Variants in EPB41L1 observed in about 807,000 individuals in gnomAD.
EPB41L1 encodes erythrocyte membrane protein band 4.1 like 1.
EPB41L1 carries 29 observed loss-of-function variants against 97.8 expected under a neutral mutation model. The observed-to-expected ratio is 0.30, with a 90% CI of 0.22 to 0.40. The LOEUF (loss-of-function observed/expected upper bound fraction) is 0.40, where lower values mean the gene tolerates loss of function less well. Ranked by LOEUF, EPB41L1 falls within the 10% of genes least tolerant of loss-of-function variation. The pLI, the probability that EPB41L1 is intolerant of heterozygous loss-of-function variation, is 1.00. For missense variants in EPB41L1, 812 were observed against 1,162.3 expected, an observed-to-expected ratio of 0.70 and a Z score of 4.38; for synonymous variants, 383 against 459.2, an observed-to-expected ratio of 0.83 and a Z score of 2.12.
intron 5 of EPB41L1, among the ~76,000 whole-genome samples, chr20:36,179,860 A>G (rs1052110486): frequency 2.6e-5 from 4 of 151,906 alleles, no homozygotes; most frequent in African/African-American, 9.7e-5. Context: ...GACAGAGTGC[A>G]CTCCTCGGGG....
intron 2 of EPB41L1, among the ~76,000 whole-genome samples, chr20:36,146,967 C>G (rs1032524855): frequency 6.6e-6 from 1 of 151,660 alleles, no homozygotes; most frequent in African/African-American, 2.4e-5. Flanking sequence ...GGCAACATGG[C>G]AAAACCCTAT....
intron 17 of EPB41L1, among the ~76,000 whole-genome samples, chr20:36,215,748 A>G (rs1011221189): frequency 9.2e-5 from 14 of 152,196 alleles, no homozygotes; most frequent in African/African-American, 3.1e-4. Context: ...AAAAACATTT[A>G]TTAGTCTGTA....
intron 2 of EPB41L1, among the ~76,000 whole-genome samples, chr20:36,130,517 C>T (rs1193759053): frequency 6.6e-6 from 1 of 151,886 alleles, no homozygotes; most frequent in African/African-American, 2.4e-5. Context: ...CCTTTTCCTG[C>T]TCATGGATAT....
In EPB41L1 at chr20:36,113,408, T is replaced by TTGTGTG. The variant is rs3057822; in HGVS notation, c.-10+970_-10+975dup. Reference sequence around the variant, plus strand: ...TTGTACCCCTAGGGAAACTTTCCATTTGTGTGTGTGTGTGTGTGTGTGTGT... The same window carrying TTGTGTG: ...TTGTACCCCTAGGGAAACTTTCCATTTGTGTGTGTGTGTGTGTGTGTGTGTGTGTGT... On this transcript the variant is annotated intron_variant, in intron 2 of 19. Transcript: ENST00000202028. Among the ~76,000 whole-genome samples, 1,415 of 143,494 alleles carry TTGTGTG rather than the reference T, an allele frequency of 9.9e-3. 8 individuals are homozygous for TTGTGTG. Among genetic ancestry groups the TTGTGTG allele is most frequent in the Non-Finnish European group, 0.016 (1,056 of 64,964 alleles). 94.1% of individuals were successfully genotyped at this position (143,494 alleles called of 152,430 possible).
chr20:36,195,788 A>G lies in EPB41L1; in HGVS notation c.1485+424A>G, dbSNP rs1178984613. Among the ~76,000 whole-genome samples, 2 of 151,654 alleles carry G rather than the reference A, an allele frequency of 1.3e-5. No individual in the cohort carries two copies. Among genetic ancestry groups the G allele is most frequent in the African/African-American group, 4.9e-5 (2 of 41,236 alleles). On this transcript the variant is annotated intron_variant, in intron 13 of 21. Coordinates refer to ENST00000338074, the MANE Select transcript of EPB41L1 (RefSeq NM_012156.2). This position sits in a 1 kb window ranked among gnomAD's most constrained non-coding sequence, Gnocchi z 4.6. ...GACAGCACTGTTTGGTCTCGCCTCC[A>G]TCTCGTCTGTGTCCCCTGTGTCCTC...
At chr20:36,203,114 G>C (rs1328151630) in intron 14 of EPB41L1, among the ~76,000 whole-genome samples, 1 of 152,250 alleles carries the variant, frequency 6.6e-6, no homozygotes. Flanking sequence ...ATCCCATCTT[G>C]TGATTCGGGT....
At chr20:36,133,499 C>T (rs1318464748) in intron 2 of EPB41L1, among the ~76,000 whole-genome samples, 1 of 152,220 alleles carries the variant, frequency 6.6e-6, no homozygotes, top group Non-Finnish European at 1.5e-5. Flanking sequence ...AAGACTAGAG[C>T]TTTGAGACAG....
At chr20:36,189,661 T>C (rs1057288472) in intron 9 of EPB41L1, among the ~76,000 whole-genome samples, 1 of 152,234 alleles carries the variant, frequency 6.6e-6, no homozygotes, top group South Asian at 2.1e-4. Context: ...CAGGAGCCCC[T>C]ATGCCTTCCC....
In EPB41L1 at chr20:36,218,924, C is replaced by A. The variant is rs1302164614; in HGVS notation, c.2317C>A (p.Pro773Thr). The change falls in exon 18 of 22, where the codon CCA becomes ACA. Residue 773 changes from proline to threonine, a missense_variant. Pro to Thr is a conservative substitution (Grantham distance 38). This residue lies in a region of EPB41L1 where 498 missense variants were observed against 622.7 expected (regional missense o/e 0.80). Transcript: ENST00000338074. ...GGGGGCAGCTGCCATGATCCCAGGC[C>A]CACAGACGGTGGCCACGGAAATCCG... is the stretch of plus-strand genomic sequence containing the variant. ...GKGAAAMIPG[P>T]QTVATEIRSL... 5.6e-6 allele frequency: 9 copies of A among 1,614,208 alleles called. No individual in the cohort carries two copies. Among genetic ancestry groups the A allele is most frequent in the Middle Eastern group, 1.7e-4 (1 of 6,060 alleles).
At chr20:36,220,611 G>A (rs933911559) in intron 19 of EPB41L1, among the ~76,000 whole-genome samples, 1 of 152,198 alleles carries the variant, frequency 6.6e-6, no homozygotes, top group East Asian at 1.9e-4. Flanking sequence ...CCACCAGGAT[G>A]TGTAGATAGG....
chr20:36,200,197 A>T (rs2062424789), intron 14 of EPB41L1, among the ~76,000 whole-genome samples: 2 of 152,120 alleles, frequency 1.3e-5, no homozygotes, highest in South Asian at 4.2e-4. Flanking sequence ...TGCCTAGTCC[A>T]CCTACAGGAG....
rs185609727 is a variant in EPB41L1 at position 36,226,779 on chromosome 20, A to G, written c.2638-2553A>G. Among the ~76,000 whole-genome samples the G allele has an allele frequency of 9.0e-4, 137 of 152,312 alleles. 1 individual carries two copies. The highest frequency in any genetic ancestry group is 3.1e-3 in the African/African-American group (131 of 41,588). Reference sequence around the variant, plus strand: ...CAAGAAGAATAAATCATAACACTGTATTGTTTAGATGTCTTTGGTACTTCT... The same window carrying G: ...CAAGAAGAATAAATCATAACACTGTGTTGTTTAGATGTCTTTGGTACTTCT... On this transcript the variant is annotated intron_variant, in intron 21 of 21. Transcript: ENST00000338074.
At chr20:36,154,667 C>A (rs1049864061), upstream of EPB41L1, 224 of 976,274 alleles carry the variant, frequency 2.3e-4, 1 homozygote, top group African/African-American at 3.6e-3. The surrounding 1 kb of genome is among the most constrained non-coding windows in gnomAD (Gnocchi z 5.5). Context: ...CGTCGGGCGC[C>A]AGGCCCGGGG....
intron 18 of EPB41L1, among the ~76,000 whole-genome samples, chr20:36,219,237 T>C (rs549511761): frequency 6.6e-6 from 1 of 152,244 alleles, no homozygotes; most frequent in African/African-American, 2.4e-5. Flanking sequence ...TGCTGAGGGT[T>C]CTTTTGCATC....
intron 1 of EPB41L1, among the ~76,000 whole-genome samples, chr20:36,110,336 T>C (rs143021301): frequency 2.6e-5 from 4 of 152,266 alleles, no homozygotes; most frequent in African/African-American, 9.6e-5. Context: ...GAACTGCTGA[T>C]CACATAGCAA....
chr20:36,122,348 A>G (rs1260090284), intron 2 of EPB41L1, among the ~76,000 whole-genome samples: 4 of 152,098 alleles, frequency 2.6e-5, no homozygotes. Flanking sequence ...CCTGCTGTAC[A>G]CCATTCCTGG....
intron 9 of EPB41L1, among the ~76,000 whole-genome samples, chr20:36,188,878 C>CAA: frequency 1.3e-5 from 1 of 76,994 alleles, no homozygotes; most frequent in Non-Finnish European, 2.7e-5. Context: ...GACTCTGTCT[C>CAA]AAAAAAAAAA....
chr20:36,194,623 A>AC (rs1378148092), intron 12 of EPB41L1, among the ~76,000 whole-genome samples: 1 of 152,146 alleles, frequency 6.6e-6, no homozygotes, highest in Non-Finnish European at 1.5e-5. Flanking sequence ...TCTGTCCCCT[A>AC]GAGGACTCAG....
At chr20:36,189,629 T>A (rs1394116596) in intron 9 of EPB41L1, among the ~76,000 whole-genome samples, 2 of 152,202 alleles carry the variant, frequency 1.3e-5, no homozygotes, top group African/African-American at 4.8e-5. Flanking sequence ...CTAGAGGGGA[T>A]CCCCTGCTCT....
Sources: allele counts gnomAD v4.1 joint callset (sites outside exome capture counted in the v4.1 genomes callset), GRCh38; gene constraint gnomAD v4.1.1; regional missense constraint gnomAD v4.1.1; non-coding constraint Gnocchi (gnomAD v3.1); transcripts MANE v1.5; gene names NCBI Gene and HGNC (gene_info 2026-07-23, HGNC 2026-07-21).